KCNIP1: variants seen among roughly 807,000 people sequenced by gnomAD.
KCNIP1 encodes the protein A-type potassium channel modulatory protein KCNIP1.
A neutral mutation model predicts 33.0 loss-of-function variants in KCNIP1; 18 were observed. That is an observed-to-expected ratio of 0.55 (90% CI 0.38 to 0.81). The LOEUF (loss-of-function observed/expected upper bound fraction) is 0.81, where lower values mean the gene tolerates loss of function less well. Among genes scored for constraint, KCNIP1 ranks in the 30% least tolerant of loss-of-function variants. KCNIP1 has a pLI of 0.00. For synonymous variants in KCNIP1, 93 were observed against 98.3 expected (o/e 0.95, Z 0.32); for missense variants, 238 against 271.6 (o/e 0.88, Z 0.87).
chr5:170,566,797 C>A (rs961293067), intron 1 of KCNIP1, among the ~76,000 whole-genome samples: 3 of 152,140 alleles, frequency 2.0e-5, no homozygotes, highest in Admixed American at 1.3e-4. Flanking sequence ...TAATGACCCA[C>A]CCAAAGCACC....
chr5:170,462,424 A>G (rs539066832), intron 1 of KCNIP1, among the ~76,000 whole-genome samples: 1 of 152,202 alleles, frequency 6.6e-6, no homozygotes, highest in Non-Finnish European at 1.5e-5. Context: ...CAAAACCACA[A>G]TGTGATACCA....
intron 1 of KCNIP1, among the ~76,000 whole-genome samples, chr5:170,393,489 T>C (rs1754669502): frequency 6.6e-6 from 1 of 152,212 alleles, no homozygotes; most frequent in South Asian, 2.1e-4. Flanking sequence ...GATACACCAC[T>C]GTGCCGAGGT....
chr5:170,585,657 C>T (rs1371246310), intron 1 of KCNIP1, among the ~76,000 whole-genome samples: 2 of 152,190 alleles, frequency 1.3e-5, no homozygotes, highest in Non-Finnish European at 1.5e-5. Context: ...TCAGGGCACC[C>T]AGCAGCGTCT....
intron 1 of KCNIP1, among the ~76,000 whole-genome samples, chr5:170,693,504 C>G (rs888846225): frequency 2.0e-5 from 3 of 152,124 alleles, no homozygotes; most frequent in African/African-American, 7.2e-5. Flanking sequence ...AGGTGAAGAA[C>G]GTACAGAAGC....
chr5:170,391,607 T>C (rs1406314772), intron 1 of KCNIP1, among the ~76,000 whole-genome samples: 1 of 152,210 alleles, frequency 6.6e-6, no homozygotes, highest in Non-Finnish European at 1.5e-5. Flanking sequence ...GATCACAAAA[T>C]ATCTTCTCTG....
At chr5:170,359,575 C>T (rs571010877) in intron 1 of KCNIP1, among the ~76,000 whole-genome samples, 28 of 152,216 alleles carry the variant, frequency 1.8e-4, no homozygotes, top group Non-Finnish European at 3.1e-4. Flanking sequence ...CTCTGCAACC[C>T]TGGAACCTCT....
At chr5:170,410,217 G>A (rs1389861667) in intron 1 of KCNIP1, among the ~76,000 whole-genome samples, 1 of 152,114 alleles carries the variant, frequency 6.6e-6, no homozygotes, top group Non-Finnish European at 1.5e-5. Context: ...CCCACTCAGG[G>A]GATTGCAGAC....
At chr5:170,389,361 T>G (rs910722597) in intron 1 of KCNIP1, 4 of 151,814 alleles carry the variant, frequency 2.6e-5, no homozygotes, top group African/African-American at 9.7e-5. Flanking sequence ...GCAGGAAGTT[T>G]GGCCTCCCCG....
chr5:170,609,954 G>A (rs1304751483), intron 1 of KCNIP1, among the ~76,000 whole-genome samples: 1 of 152,164 alleles, frequency 6.6e-6, no homozygotes, highest in Admixed American at 6.5e-5. Flanking sequence ...AAAGGAAGCT[G>A]GACATAAAGC....
chr5:170,496,227 C>T (rs1757308503), intron 1 of KCNIP1, among the ~76,000 whole-genome samples: 1 of 152,212 alleles, frequency 6.6e-6, no homozygotes, highest in Non-Finnish European at 1.5e-5. Flanking sequence ...GCATCATCCA[C>T]CACTCAAAGG....
chr5:170,489,327 G>A lies in KCNIP1; in HGVS notation c.88+135363G>A, dbSNP rs779590007. Among the ~76,000 whole-genome samples, 1 of 152,254 alleles carries A rather than the reference G, an allele frequency of 6.6e-6. No individual in the cohort carries two copies. The highest frequency in any genetic ancestry group is 1.5e-5 in the Non-Finnish European group (1 of 68,046). On this transcript the variant is annotated intron_variant, in intron 1 of 7. Coordinates refer to the KCNIP1 transcript ENST00000377360. The surrounding 1 kb of genome is among the most constrained non-coding windows in gnomAD (Gnocchi z 4.3). ...GGCAATCAAGATTTGCACATTGTCA[G>A]CAGAGAAGGAATGAGACTGTCTGGT... is the stretch of plus-strand genomic sequence containing the variant.
intron 1 of KCNIP1, among the ~76,000 whole-genome samples, chr5:170,404,728 C>T (rs981828752): frequency 6.6e-6 from 1 of 152,198 alleles, no homozygotes. Context: ...GATCATGAGG[C>T]TAGCCCAGAC....
intron 1 of KCNIP1, among the ~76,000 whole-genome samples, chr5:170,620,017 T>TA (rs1759540919): frequency 6.6e-6 from 1 of 152,326 alleles, no homozygotes; most frequent in African/African-American, 2.4e-5. Context: ...GTCCACCACT[T>TA]ACTAACTTCA....
intron 1 of KCNIP1, among the ~76,000 whole-genome samples, chr5:170,637,513 G>C (rs1014968123): frequency 6.6e-6 from 1 of 152,122 alleles, no homozygotes; most frequent in Non-Finnish European, 1.5e-5. Context: ...CCACACCTCA[G>C]CTCCTCCCTC....
intron 1 of KCNIP1, among the ~76,000 whole-genome samples, chr5:170,543,480 C>A (rs1022112235): frequency 5.9e-5 from 9 of 152,032 alleles, no homozygotes; most frequent in African/African-American, 1.9e-4. Context: ...TAATTTTTTC[C>A]ATTAAAAATA....
chr5:170,695,716 T>C (rs987662951), intron 1 of KCNIP1, among the ~76,000 whole-genome samples: 1 of 152,216 alleles, frequency 6.6e-6, no homozygotes, highest in Non-Finnish European at 1.5e-5. Context: ...GACAGGTGAA[T>C]GGTCCACACA....
At chr5:170,626,414 G>A (rs999051061) in intron 1 of KCNIP1, among the ~76,000 whole-genome samples, 2 of 152,156 alleles carry the variant, frequency 1.3e-5, no homozygotes, top group African/African-American at 4.8e-5. Flanking sequence ...GGTGGGGAAG[G>A]CAGTCTGCCC....
intron 1 of KCNIP1, among the ~76,000 whole-genome samples, chr5:170,507,501 A>T (rs1754764372): frequency 6.6e-6 from 1 of 152,150 alleles, no homozygotes; most frequent in Admixed American, 6.5e-5. Context: ...TGAGAGCCTT[A>T]ACAGCTCATT....
rs138564235 is a variant in KCNIP1 at position 170,572,755 on chromosome 5, C to T, written c.61+68122C>T. ...ATGACTGATGGCACAGGTTGCTGCA[C>T]ATGTTTCTGTGCTATCGGATTCAAA... On this transcript the variant is annotated intron_variant, in intron 1 of 7. Transcript: ENST00000328939. Among the ~76,000 whole-genome samples, 789 of 152,314 alleles carry T rather than the reference C, an allele frequency of 5.2e-3. 7 individuals carry two copies. Among genetic ancestry groups the T allele is most frequent in the African/African-American group, 0.018 (740 of 41,556 alleles).
Sources: allele counts gnomAD v4.1 joint callset (sites outside exome capture counted in the v4.1 genomes callset), GRCh38; gene constraint gnomAD v4.1.1; non-coding constraint Gnocchi (gnomAD v3.1); transcripts MANE v1.5; gene names NCBI Gene and HGNC (gene_info 2026-07-23, HGNC 2026-07-21).